Variants in DLGAP2 observed in about 807,000 individuals in gnomAD.
The protein encoded by DLGAP2 is DLG associated protein 2.
Under a neutral mutation model 100.3 loss-of-function variants are expected in DLGAP2, and 26 were observed. The observed-to-expected ratio is 0.26, with a 90% CI of 0.19 to 0.36. The LOEUF is 0.36. Ranked by LOEUF, DLGAP2 falls within the 10% of genes least tolerant of loss-of-function variation. The pLI, the probability that DLGAP2 is intolerant of heterozygous loss-of-function variation, is 1.00. For missense variants in DLGAP2, 1,858 were observed against 1,453.2 expected (o/e 1.28, Z -4.53); for synonymous variants, 886 against 630.1 (o/e 1.41, Z -6.08).
At chr8:1,688,819 C>A (rs1799179100) in intron 12 of DLGAP2, among the ~76,000 whole-genome samples, 1 of 152,232 alleles carries the variant, frequency 6.6e-6, no homozygotes, top group South Asian at 2.1e-4. Context: ...GCACCGCACA[C>A]ACTGCTGTGT....
At chr8:793,668 A>G (rs868699117) in intron 1 of DLGAP2, among the ~76,000 whole-genome samples, 9 of 152,018 alleles carry the variant, frequency 5.9e-5, no homozygotes, top group African/African-American at 1.9e-4. Flanking sequence ...TAATCTTTGC[A>G]TTTTGTGCAA....
intron 3 of DLGAP2, among the ~76,000 whole-genome samples, chr8:1,417,059 C>A (rs557025443): frequency 2.0e-5 from 1 of 48,918 alleles, no homozygotes; most frequent in Non-Finnish European, 3.4e-5. Context: ...CTGTCCCCGG[C>A]GGGTTCAGCA....
chr8:1,283,399 G>GCC (rs1563060190), intron 3 of DLGAP2, among the ~76,000 whole-genome samples: 1 of 152,182 alleles, frequency 6.6e-6, no homozygotes, highest in East Asian at 1.9e-4. Flanking sequence ...TTCATAAAAG[G>GCC]CACGTGTCTT....
rs184495611 is a variant in DLGAP2 at position 1,190,453 on chromosome 8, C to A, written c.74-68398C>A. On this transcript the variant is annotated intron_variant, in intron 2 of 14. Coordinates refer to ENST00000637795, the MANE Select transcript of DLGAP2 (RefSeq NM_001346810.2). The stretch of plus-strand genomic sequence containing the variant: ...GGGGCATCTGCTGTTGGAGTCGCTC[C>A]CCTGTGACACTGACACTTGGTGCCG... Among the ~76,000 whole-genome samples, 261 of 151,996 alleles carry A rather than the reference C, an allele frequency of 1.7e-3. 1 individual carries two copies. Among genetic ancestry groups the A allele is most frequent in the African/African-American group, 6.1e-3 (253 of 41,434 alleles).
At chr8:889,199 C>T (rs969990376) in intron 1 of DLGAP2, among the ~76,000 whole-genome samples, 2 of 152,120 alleles carry the variant, frequency 1.3e-5, no homozygotes, top group African/African-American at 4.8e-5. Flanking sequence ...GGTGAAATGT[C>T]ATCAGTTAAG....
chr8:1,008,179 A>AT (rs1302488005), intron 2 of DLGAP2, among the ~76,000 whole-genome samples: 7 of 152,272 alleles, frequency 4.6e-5, no homozygotes, highest in African/African-American at 1.4e-4. Flanking sequence ...TAGTTGAAAC[A>AT]TTCAAGGTCA....
chr8:1,493,523 G>A (rs1269696402), intron 3 of DLGAP2, among the ~76,000 whole-genome samples: 1 of 152,222 alleles, frequency 6.6e-6, no homozygotes, highest in East Asian at 1.9e-4. Flanking sequence ...CCCCAGGGAA[G>A]ACCCAGAGAC....
intron 4 of DLGAP2, among the ~76,000 whole-genome samples, chr8:1,537,762 GA>G: frequency 6.6e-6 from 1 of 151,828 alleles, no homozygotes; most frequent in Non-Finnish European, 1.5e-5. Context: ...AGGAAGGAAG[GA>G]AGGAAGGAAG....
intron 8 of DLGAP2, among the ~76,000 whole-genome samples, chr8:1,660,300 A>G (rs1798380713): frequency 6.6e-6 from 1 of 152,146 alleles, no homozygotes; most frequent in South Asian, 2.1e-4. Flanking sequence ...AATTCTACTA[A>G]GATCTTTCAC....
rs140099845 is a variant in DLGAP2, at chr8:1,155,872, C to G, written c.74-102979C>G. Among the ~76,000 whole-genome samples, 592 of 152,210 alleles carry G rather than the reference C, an allele frequency of 3.9e-3. 2 individuals are homozygous for G. The highest frequency in any genetic ancestry group is 0.01 in the Middle Eastern group (3 of 294). On this transcript the variant is annotated intron_variant, in intron 2 of 14. Coordinates refer to ENST00000637795, the MANE Select transcript of DLGAP2 (RefSeq NM_001346810.2). Reference sequence around the variant, plus strand: ...GTGTGGAGAGGAAGATGAGGAAGGACGCGCTGTCTGCATCCAGCGGCGGGG... The same window carrying G: ...GTGTGGAGAGGAAGATGAGGAAGGAGGCGCTGTCTGCATCCAGCGGCGGGG...
At chr8:917,668 C>T (rs1239881428) in intron 2 of DLGAP2, among the ~76,000 whole-genome samples, 1 of 152,314 alleles carries the variant, frequency 6.6e-6, no homozygotes, top group Non-Finnish European at 1.5e-5. Context: ...GCAAACTCCA[C>T]CTCCCAGGTT....
intron 2 of DLGAP2, among the ~76,000 whole-genome samples, chr8:999,250 A>G (rs964228063): frequency 1.3e-5 from 2 of 150,918 alleles, no homozygotes; most frequent in Non-Finnish European, 3.0e-5. Context: ...GCTTGTTTTC[A>G]TTTGGTGTTG....
At chr8:1,484,050 A>G (rs1584945997) in intron 3 of DLGAP2, among the ~76,000 whole-genome samples, 2 of 152,346 alleles carry the variant, frequency 1.3e-5, no homozygotes, top group South Asian at 4.1e-4. Flanking sequence ...ACAGCAGTCC[A>G]TGTGGAGGCA....
chr8:818,124 G>T (rs1796519251), intron 1 of DLGAP2, among the ~76,000 whole-genome samples: 1 of 152,164 alleles, frequency 6.6e-6, no homozygotes, highest in African/African-American at 2.4e-5. Flanking sequence ...CAGGTGAGGG[G>T]CAGGGACAGG....
intron 3 of DLGAP2, among the ~76,000 whole-genome samples, chr8:1,309,267 A>C (rs968571939): frequency 6.6e-6 from 1 of 152,242 alleles, no homozygotes; most frequent in African/African-American, 2.4e-5. Flanking sequence ...ATGAACTTCA[A>C]GTCAGATAAA....
chr8:1,579,255 T>C (rs1482300219), intron 6 of DLGAP2, among the ~76,000 whole-genome samples: 1 of 152,118 alleles, frequency 6.6e-6, no homozygotes, highest in Admixed American at 6.6e-5. Context: ...ATACTTCATA[T>C]CATATGTAAA....
At chr8:870,457 C>G (rs1178901740) in intron 1 of DLGAP2, among the ~76,000 whole-genome samples, 4 of 152,120 alleles carry the variant, frequency 2.6e-5, no homozygotes, top group African/African-American at 9.7e-5. Flanking sequence ...TCCTTGGCAC[C>G]CCGGCTTGAA....
At chr8:1,171,306 T>C (rs946478861) in intron 2 of DLGAP2, among the ~76,000 whole-genome samples, 2 of 152,200 alleles carry the variant, frequency 1.3e-5, no homozygotes, top group African/African-American at 4.8e-5. Context: ...TTCCAGAGTA[T>C]GTGGTCAGTT....
intron 1 of DLGAP2, among the ~76,000 whole-genome samples, chr8:814,638 G>T (rs1395500671): frequency 6.6e-6 from 1 of 151,664 alleles, no homozygotes; most frequent in East Asian, 1.9e-4. Flanking sequence ...ACGAGGTCAG[G>T]AGATTGAGAC....
Sources: allele counts gnomAD v4.1 joint callset (sites outside exome capture counted in the v4.1 genomes callset), GRCh38; gene constraint gnomAD v4.1.1; transcripts MANE v1.5; gene names NCBI Gene and HGNC (gene_info 2026-07-23, HGNC 2026-07-21).